The following S100Z variants were observed in gnomAD, a reference collection of about 807,000 sequenced individuals.
The protein encoded by S100Z is protein S100-Z.
In S100Z, 11 loss-of-function variants were observed where a neutral mutation model predicts 8.5. That is an observed-to-expected ratio of 1.30 (90% CI 0.82 to 2.15). The LOEUF (loss-of-function observed/expected upper bound fraction) is 2.15, where lower values mean the gene tolerates loss of function less well. Ranked by LOEUF, S100Z falls within the 30% of genes most tolerant of loss-of-function variation. S100Z has a pLI of 0.00. For missense variants in S100Z, 126 were observed against 117.9 expected (o/e 1.07, Z -0.32); for synonymous variants, 34 against 43.8 (o/e 0.78, Z 0.89).
Position 76,875,498 on chromosome 5 carries a change from T to A in S100Z, c.139T>A (p.Ser47Thr). The stretch of plus-strand genomic sequence containing the variant: ...GCAGCGAGAGCTCACGGAATTCCTC[T>A]CGGTGAGTCAGGCCTTTGTAAATGC... ...LLQRELTEFL[S>T]CQKETQLVDK... Residue 47 changes from serine to threonine, a missense_variant and splice_region_variant, in exon 3 of 5, where the codon TCG becomes ACG. Coordinates refer to ENST00000317593, the MANE Select transcript of S100Z (RefSeq NM_130772.4). 6.2e-7 allele frequency: 1 copy of A among 1,606,864 alleles called. No homozygotes were observed. The highest frequency in any genetic ancestry group is 8.5e-7 in the Non-Finnish European group (1 of 1,177,264).
the S100Z span, among the ~76,000 whole-genome samples, chr5:76,939,517 C>CTCT: frequency 0.066 from 9,204 of 139,856 alleles, 445 homozygotes; most frequent in Middle Eastern, 0.12. Context: ...TGGTGTTTAA[C>CTCT]TTTTTTTTTT....
chr5:76,917,437 C>G (rs1389212103), intron 4 of S100Z, among the ~76,000 whole-genome samples: 1 of 152,080 alleles, frequency 6.6e-6, no homozygotes, highest in Non-Finnish European at 1.5e-5. Context: ...GTGGTACTTA[C>G]ACAGTTTCAT....
chr5:76,944,351 C>A, the S100Z span, among the ~76,000 whole-genome samples: 2 of 152,122 alleles, frequency 1.3e-5, no homozygotes, highest in Admixed American at 1.3e-4. Flanking sequence ...GTATGTATGC[C>A]TGGTGCTCTG....
chr5:76,921,712 G>T (rs532861370), downstream of S100Z: 8 of 152,258 alleles, frequency 5.3e-5, no homozygotes, highest in South Asian at 1.7e-3. Context: ...CCTAGGCCGG[G>T]TGCAGTGGCT....
chr5:76,850,614 A>G (rs1349761011), intron 1 of S100Z, among the ~76,000 whole-genome samples: 1 of 152,112 alleles, frequency 6.6e-6, no homozygotes, highest in Admixed American at 6.5e-5. Context: ...CACAGATGCC[A>G]GTGTAAGCCC....
the S100Z span, among the ~76,000 whole-genome samples, chr5:76,927,747 T>C: frequency 6.6e-6 from 1 of 152,180 alleles, no homozygotes; most frequent in South Asian, 2.1e-4. Context: ...AAGACTAACA[T>C]TCATTTAGGT....
chr5:76,898,505 A>T (rs1218896182), intron 4 of S100Z, among the ~76,000 whole-genome samples: 2 of 152,064 alleles, frequency 1.3e-5, no homozygotes, highest in African/African-American at 4.8e-5. Flanking sequence ...GAGGGTTTTT[A>T]TCATAAAGGG....
At chr5:76,880,227 C>T (rs1580014783) in intron 4 of S100Z, among the ~76,000 whole-genome samples, 1 of 152,276 alleles carries the variant, frequency 6.6e-6, no homozygotes, top group East Asian at 1.9e-4. Flanking sequence ...TGAGTTAAGG[C>T]TATTTTCACT....
At chr5:76,882,422 G>A (rs772004262) in intron 4 of S100Z, among the ~76,000 whole-genome samples, 1 of 152,170 alleles carries the variant, frequency 6.6e-6, no homozygotes, top group Non-Finnish European at 1.5e-5. Flanking sequence ...AGCTAGTGTG[G>A]GGGCAGCTTC....
At chr5:76,874,062 C>G (rs934209710) in intron 2 of S100Z, among the ~76,000 whole-genome samples, 2 of 152,104 alleles carry the variant, frequency 1.3e-5, no homozygotes, top group Non-Finnish European at 2.9e-5. Context: ...CAGCTCCCAA[C>G]ATAGTATTAT....
At chr5:76,875,612 A>G (rs943873723) in intron 3 of S100Z, 112 bp downstream of exon 3, 4 of 929,988 alleles carry the variant, frequency 4.3e-6, no homozygotes, top group Admixed American at 2.7e-5. Context: ...ATGCAGCCAA[A>G]TTTGTACAGA....
chr5:76,868,481 G>A (rs752622104), intron 1 of S100Z, among the ~76,000 whole-genome samples: 2 of 150,694 alleles, frequency 1.3e-5, no homozygotes, highest in African/African-American at 2.5e-5. Flanking sequence ...AGTTCTCCGA[G>A]TAAATTATTT....
chr5:76,914,100 G>A (rs1430605583), intron 4 of S100Z, among the ~76,000 whole-genome samples: 1 of 152,152 alleles, frequency 6.6e-6, no homozygotes, highest in Non-Finnish European at 1.5e-5. Context: ...AGGACCCCTG[G>A]ACTGACCTGC....
At chr5:76,907,015 T>C (rs1358205207) in intron 4 of S100Z, among the ~76,000 whole-genome samples, 3 of 112,238 alleles carry the variant, frequency 2.7e-5, no homozygotes, top group African/African-American at 1.4e-4. Flanking sequence ...TATATATATA[T>C]ATATATATAC....
chr5:76,938,869 A>G, the S100Z span, among the ~76,000 whole-genome samples: 1 of 151,946 alleles, frequency 6.6e-6, no homozygotes, highest in Non-Finnish European at 1.5e-5. Flanking sequence ...CTCATCATGC[A>G]AAAAAAATTC....
intron 4 of S100Z, among the ~76,000 whole-genome samples, chr5:76,919,526 TCCTCCCTCCCTCCCTC>T (rs145366090): frequency 1.6e-5 from 2 of 125,936 alleles, no homozygotes; most frequent in South Asian, 2.8e-4. Context: ...TCTTCTCCCT[TCCTCCCTCCCTCCCTC>T]CCTCCCTCCC....
intron 2 of S100Z, among the ~76,000 whole-genome samples, chr5:76,875,078 A>C (rs189864832): frequency 6.6e-6 from 1 of 152,040 alleles, no homozygotes; most frequent in African/African-American, 2.4e-5. Context: ...TTTTTAGTAG[A>C]GACGGGGTTT....
rs536238499 is a variant in S100Z, at chr5:76,896,381, T to C, written c.*2+18547T>C. Among the ~76,000 whole-genome samples the C allele has an allele frequency of 3.9e-5, 6 of 152,372 alleles. No homozygotes were observed. The South Asian group carries it at 6.2e-4, about 16-fold the overall frequency. On this transcript the variant is annotated intron_variant, in intron 4 of 4. Coordinates refer to ENST00000317593, the MANE Select transcript of S100Z (RefSeq NM_130772.4). ...AATGACTGGATCTCATTCTTTTTCA[T>C]GGTTGAATAGTACTCCATTGTGTAT...
chr5:76,886,360 G>T (rs542454854), intron 4 of S100Z, among the ~76,000 whole-genome samples: 1 of 152,328 alleles, frequency 6.6e-6, no homozygotes. Flanking sequence ...GGGACAGATT[G>T]AAGGGTGGCA....
Sources: allele counts gnomAD v4.1 joint callset (sites outside exome capture counted in the v4.1 genomes callset), GRCh38; gene constraint gnomAD v4.1.1; transcripts MANE v1.5; gene names NCBI Gene and HGNC (gene_info 2026-07-23, HGNC 2026-07-21).